The following DNAH14 variants were observed in gnomAD, a reference collection of about 807,000 sequenced individuals.
The protein encoded by DNAH14 is axonemal beta dynein heavy chain 14.
Under a neutral mutation model 520.9 loss-of-function variants are expected in DNAH14, and 478 were observed. The ratio of observed to expected loss-of-function variants is 0.92; its 90% confidence interval spans 0.85 to 0.99. The LOEUF (loss-of-function observed/expected upper bound fraction) is 0.99, where lower values mean the gene tolerates loss of function less well. DNAH14 is among the 50% of genes least tolerant of loss of function. DNAH14 has a pLI of 0.00. For synonymous variants in DNAH14, 1,581 were observed against 1,757.2 expected (o/e 0.90, Z 2.51); for missense variants, 4,831 against 5,234.5 (o/e 0.92, Z 2.38).
At chr1:225,266,911 A>C in intron 49 of DNAH14, 142 bp downstream of exon 49, 1 of 658,766 alleles carries the variant, frequency 1.5e-6, no homozygotes, top group Non-Finnish European at 2.4e-6. Context: ...TGAGACCCTA[A>C]ACTAACTATA....
chr1:225,300,736 C>A, intron 55 of DNAH14, 133 bp from the exon 56 acceptor site: 2 of 962,940 alleles, frequency 2.1e-6, no homozygotes, highest in Non-Finnish European at 3.0e-6. Flanking sequence ...GGGAGATTAG[C>A]TTTAAAAAAA....
intron 1 of DNAH14, among the ~76,000 whole-genome samples, chr1:224,951,644 ATTTTTT>A (rs67437504): frequency 2.5e-5 from 2 of 80,150 alleles, no homozygotes; most frequent in African/African-American, 5.3e-5. Context: ...AGATTTCTGG[ATTTTTT>A]TTTTTTTTTT....
intron 27 of DNAH14, among the ~76,000 whole-genome samples, chr1:225,126,623 G>A (rs897388918): frequency 5.3e-5 from 8 of 151,664 alleles, no homozygotes; most frequent in Non-Finnish European, 8.8e-5. Flanking sequence ...TCTTGCTAGC[G>A]GTCTATCAAT....
At chr1:225,297,746 G>A (rs1029066657) in intron 55 of DNAH14, among the ~76,000 whole-genome samples, 5 of 152,238 alleles carry the variant, frequency 3.3e-5, no homozygotes, top group African/African-American at 7.2e-5. Context: ...TCAAGGGCAT[G>A]TGCATGCATG....
intron 41 of DNAH14, among the ~76,000 whole-genome samples, chr1:225,212,783 A>C (rs2088634099): frequency 6.6e-6 from 1 of 152,108 alleles, no homozygotes. Flanking sequence ...AATTCGTTTA[A>C]CTTCTTTGTA....
intron 75 of DNAH14, among the ~76,000 whole-genome samples, chr1:225,361,224 G>A (rs1160386887): frequency 1.3e-5 from 2 of 152,072 alleles, no homozygotes; most frequent in Admixed American, 6.6e-5. Flanking sequence ...TTTAATATTC[G>A]ATGTGATTCC....
At chr1:225,332,056 T>A (rs978843534) in intron 65 of DNAH14, among the ~76,000 whole-genome samples, 1 of 152,022 alleles carries the variant, frequency 6.6e-6, no homozygotes, top group Non-Finnish European at 1.5e-5. Context: ...ATAAAGAACA[T>A]TTTATTTTGT....
At chr1:225,316,483 A>G (rs1469445477) in intron 60 of DNAH14, among the ~76,000 whole-genome samples, 4 of 152,150 alleles carry the variant, frequency 2.6e-5, no homozygotes, top group Non-Finnish European at 5.9e-5. Context: ...CTTGTGGTGT[A>G]GGCACCTGAG....
intron 12 of DNAH14, among the ~76,000 whole-genome samples, chr1:225,040,752 G>A (rs1351375832): frequency 6.6e-6 from 1 of 152,196 alleles, no homozygotes; most frequent in Non-Finnish European, 1.5e-5. Flanking sequence ...ATTTCTGGGT[G>A]AAAGCATATG....
At chr1:225,344,708 T>C (rs1481404704) in intron 69 of DNAH14, among the ~76,000 whole-genome samples, 2 of 150,956 alleles carry the variant, frequency 1.3e-5, no homozygotes, top group Admixed American at 6.6e-5. Flanking sequence ...TATTTATTTA[T>C]TTATTTATTT....
In DNAH14 at chr1:225,270,803, C is replaced by G. The variant is rs2093293989; in HGVS notation, c.7608C>G (p.Leu2536=). Residue 2536 remains leucine (L), a synonymous_variant, in exon 50 of 86, where the codon CTC becomes CTG. Transcript: ENST00000682510. The part of the protein sequence containing the change: ...PVVNDISPRL[L]KHFSMLVLPH... ...TGAATGATATCAGCCCACGTCTTCT[C>G]AAACACTTTTCCATGCTGGTATTAC... 1 of 1,550,806 alleles carries G rather than the reference C, an allele frequency of 6.4e-7. No homozygotes were observed. Among genetic ancestry groups the G allele is most frequent in the Non-Finnish European group, 8.7e-7 (1 of 1,146,798 alleles).
Position 225,016,782 on chromosome 1 carries a change from G to A in DNAH14, c.1108-6833G>A, listed in dbSNP as rs538574216. ...TCTGCCTGTGTTATTTCAAATGCCCGGTCTTCAGGTTCAGAAATTTTCTTC... is the reference window on the plus strand; with the variant it reads ...TCTGCCTGTGTTATTTCAAATGCCCAGTCTTCAGGTTCAGAAATTTTCTTC... On this transcript the variant is annotated intron_variant, in intron 10 of 85. Transcript: ENST00000682510. Among the ~76,000 whole-genome samples the A allele has an allele frequency of 9.4e-5, 14 of 149,492 alleles. No individual in the cohort carries two copies. In the South Asian group the frequency reaches 1.3e-3, roughly 14 times the overall value.
At chr1:225,278,491 C>T (rs189762453) in intron 54 of DNAH14, among the ~76,000 whole-genome samples, 2 of 152,268 alleles carry the variant, frequency 1.3e-5, no homozygotes, top group East Asian at 3.9e-4. Flanking sequence ...CCCTAACGCA[C>T]CTCTTTTCTT....
Position 225,145,392 on chromosome 1 carries a change from CAT to C in DNAH14, c.4794+16_4794+17del. On this transcript the variant is annotated intron_variant, in intron 30 of 85. Transcript: ENST00000682510. The stretch of plus-strand genomic sequence containing the variant: ...TTTGGATTATAAGGTAAACCTTAAA[CAT>C]ATGTGTCAGGAAGAAATATTGTACA... 2 of 1,532,724 alleles carry C rather than the reference CAT, an allele frequency of 1.3e-6. No individual in the cohort carries two copies. The highest frequency in any genetic ancestry group is 1.8e-6 in the Non-Finnish European group (2 of 1,137,092). 94.9% of individuals were successfully genotyped at this position (1,532,724 alleles called of 1,614,324 possible).
At chr1:225,209,198 G>C in intron 41 of DNAH14, among the ~76,000 whole-genome samples, 1 of 152,116 alleles carries the variant, frequency 6.6e-6, no homozygotes, top group Non-Finnish European at 1.5e-5. Context: ...AAAGAAATTA[G>C]AGACTGAGGT....
At chr1:225,179,776 G>A (rs2083751335) in intron 36 of DNAH14, among the ~76,000 whole-genome samples, 1 of 152,108 alleles carries the variant, frequency 6.6e-6, no homozygotes, top group South Asian at 2.1e-4. Context: ...ACTCCATTTA[G>A]CCTTTCTTGT....
chr1:225,060,109 C>T (rs1170311654), intron 17 of DNAH14, among the ~76,000 whole-genome samples: 2 of 152,164 alleles, frequency 1.3e-5, no homozygotes, highest in Non-Finnish European at 2.9e-5. Context: ...TGGATAATAT[C>T]CTGCAGAGTG....
intron 27 of DNAH14, among the ~76,000 whole-genome samples, chr1:225,128,385 A>T (rs919157637): frequency 5.3e-5 from 8 of 152,184 alleles, no homozygotes; most frequent in Admixed American, 3.3e-4. Flanking sequence ...TTAGACCAAT[A>T]TCCTTGATGA....
chr1:225,391,259 A>G (rs1264884304), intron 83 of DNAH14, among the ~76,000 whole-genome samples: 1 of 152,122 alleles, frequency 6.6e-6, no homozygotes, highest in African/African-American at 2.4e-5. Context: ...ATAGGAAGGA[A>G]GAAGGGCAGG....
Sources: gnomAD v4.1 joint callset for allele counts (sites outside exome capture counted in the v4.1 genomes callset) on GRCh38, gnomAD v4.1.1 for gene constraint, MANE v1.5 for transcripts, NCBI Gene and HGNC (gene_info 2026-07-23, HGNC 2026-07-21) for gene names.